TNIK: variants seen among roughly 807,000 people sequenced by gnomAD.
The protein encoded by TNIK is TRAF2 and NCK-interacting protein kinase.
TNIK carries 49 observed loss-of-function variants against 191.3 expected under a neutral mutation model. That is an observed-to-expected ratio of 0.26 (90% CI 0.20 to 0.32). The LOEUF is 0.32. Among genes scored for constraint, TNIK ranks in the 10% least tolerant of loss-of-function variants. The pLI, the probability that TNIK is intolerant of heterozygous loss-of-function variation, is 1.00. For synonymous variants in TNIK, 594 were observed against 600.9 expected (o/e 0.99, Z 0.17); for missense variants, 1,155 against 1,702.3 (o/e 0.68, Z 5.66).
intron 12 of TNIK, among the ~76,000 whole-genome samples, chr3:171,150,087 T>G (rs1020109736): frequency 6.6e-6 from 1 of 152,208 alleles, no homozygotes; most frequent in African/African-American, 2.4e-5. Context: ...ACGATTTTCC[T>G]GTCTCCTTCT....
intron 1 of TNIK, among the ~76,000 whole-genome samples, chr3:171,445,877 G>T (rs1237547273): frequency 6.6e-6 from 1 of 152,198 alleles, no homozygotes; most frequent in Non-Finnish European, 1.5e-5. Flanking sequence ...ACTAATGGCA[G>T]TTTCATCTGA....
chr3:171,174,885 A>G (rs1180312179), intron 9 of TNIK, among the ~76,000 whole-genome samples: 2 of 152,218 alleles, frequency 1.3e-5, no homozygotes, highest in Non-Finnish European at 2.9e-5. Context: ...TAGAAGAGAA[A>G]TCAGCCAATC....
At chr3:171,446,409 C>A (rs1425009724) in intron 1 of TNIK, among the ~76,000 whole-genome samples, 1 of 152,102 alleles carries the variant, frequency 6.6e-6, no homozygotes, top group African/African-American at 2.4e-5. Flanking sequence ...AAACCATATT[C>A]ATGTGAAGCC....
chr3:171,358,889 A>C (rs1297347512), intron 2 of TNIK, among the ~76,000 whole-genome samples: 2 of 152,158 alleles, frequency 1.3e-5, no homozygotes, highest in South Asian at 4.1e-4. Context: ...CACCACCTCT[A>C]TAATTAAGTT....
At chr3:171,414,687 T>C (rs1254979995) in intron 1 of TNIK, among the ~76,000 whole-genome samples, 1 of 152,230 alleles carries the variant, frequency 6.6e-6, no homozygotes, top group Non-Finnish European at 1.5e-5. Flanking sequence ...CACCACAGGA[T>C]TTAAAACTAT....
At chr3:171,254,027 T>A (rs906075081) in intron 2 of TNIK, among the ~76,000 whole-genome samples, 4 of 152,226 alleles carry the variant, frequency 2.6e-5, no homozygotes, top group African/African-American at 9.6e-5. Context: ...CTCTTTACAT[T>A]TAGTGTTTTT....
At chr3:171,443,635 A>G (rs905042711) in intron 1 of TNIK, among the ~76,000 whole-genome samples, 1 of 151,502 alleles carries the variant, frequency 6.6e-6, no homozygotes, top group Non-Finnish European at 1.5e-5. Context: ...TGGGCAACAT[A>G]GGGAGACCCC....
At chr3:171,430,502 G>A (rs2108657928) in intron 1 of TNIK, among the ~76,000 whole-genome samples, 1 of 151,702 alleles carries the variant, frequency 6.6e-6, no homozygotes, top group South Asian at 2.1e-4. Flanking sequence ...AGCCCGGAGT[G>A]GTGGTGTGGA....
At chr3:171,380,058 C>T (rs972160395) in intron 1 of TNIK, among the ~76,000 whole-genome samples, 5 of 151,232 alleles carry the variant, frequency 3.3e-5, no homozygotes, top group East Asian at 3.9e-4. Flanking sequence ...CACACACACA[C>T]GCAAGTTGCT....
chr3:171,294,229 AAAAC>A (rs71178203), intron 2 of TNIK, among the ~76,000 whole-genome samples: 53,248 of 150,132 alleles, frequency 0.35, 10,081 homozygotes, highest in Non-Finnish European at 0.43. Flanking sequence ...ACTCTGTCTC[AAAAC>A]AAACAAACAA....
chr3:171,188,256 C>A (rs1233755394), intron 7 of TNIK, among the ~76,000 whole-genome samples: 1 of 152,048 alleles, frequency 6.6e-6, no homozygotes, highest in South Asian at 2.1e-4. Context: ...GAAAAAGAAA[C>A]CCCAGATAAT....
At chr3:171,075,177 A>G (rs1719733615) in intron 28 of TNIK, among the ~76,000 whole-genome samples, 1 of 152,244 alleles carries the variant, frequency 6.6e-6, no homozygotes, top group Non-Finnish European at 1.5e-5. Flanking sequence ...GTATTAGTTT[A>G]TGGACACAAA....
chr3:171,431,042 T>C (rs899896195), intron 1 of TNIK, among the ~76,000 whole-genome samples: 10 of 152,132 alleles, frequency 6.6e-5, no homozygotes, highest in African/African-American at 2.4e-4. Flanking sequence ...TACGCACTTA[T>C]TTCATAGGTC....
intron 1 of TNIK, among the ~76,000 whole-genome samples, chr3:171,384,765 A>G (rs1485370304): frequency 6.6e-6 from 1 of 152,190 alleles, no homozygotes; most frequent in Non-Finnish European, 1.5e-5. Context: ...TGAAATATAA[A>G]TGAAGAGAAG....
intron 1 of TNIK, among the ~76,000 whole-genome samples, chr3:171,383,835 A>T (rs925640211): frequency 6.6e-6 from 1 of 152,180 alleles, no homozygotes; most frequent in Non-Finnish European, 1.5e-5. Flanking sequence ...TAAAAACTAG[A>T]TTACATTCAA....
intron 22 of TNIK, among the ~76,000 whole-genome samples, chr3:171,095,119 GTTC>G (rs1722545913): frequency 6.6e-6 from 1 of 152,160 alleles, no homozygotes; most frequent in Non-Finnish European, 1.5e-5. Context: ...TTTATTTTCA[GTTC>G]TTTTCTTGCT....
chr3:171,081,165 G>A (rs998676768), intron 27 of TNIK, among the ~76,000 whole-genome samples: 4 of 152,052 alleles, frequency 2.6e-5, no homozygotes, highest in Non-Finnish European at 5.9e-5. Flanking sequence ...AGACTACATG[G>A]GATTAAACTC....
At chr3:171,079,421 C>T in intron 28 of TNIK, 97 bp downstream of exon 28, 2 of 1,399,246 alleles carry the variant, frequency 1.4e-6, no homozygotes, top group Non-Finnish European at 1.9e-6. Flanking sequence ...GTCACACATG[C>T]ATCATCAATC....
At chr3:171,397,882 A>G (rs1720452622) in intron 1 of TNIK, among the ~76,000 whole-genome samples, 1 of 152,200 alleles carries the variant, frequency 6.6e-6, no homozygotes, top group Non-Finnish European at 1.5e-5. Flanking sequence ...TACAACACTT[A>G]CCAAAATAAA....
Sources: allele counts gnomAD v4.1 joint callset (sites outside exome capture counted in the v4.1 genomes callset), GRCh38; gene constraint gnomAD v4.1.1; transcripts MANE v1.5; gene names NCBI Gene and HGNC (gene_info 2026-07-23, HGNC 2026-07-21).